Variants in RIMS2 observed in about 807,000 individuals in gnomAD.
RIMS2 encodes the protein regulating synaptic membrane exocytosis 2, also known as regulating synaptic membrane exocytosis protein 2.
Under a neutral mutation model 174.4 loss-of-function variants are expected in RIMS2, and 59 were observed. The observed-to-expected ratio is 0.34, with a 90% CI of 0.27 to 0.42. RIMS2 has a LOEUF of 0.42. RIMS2 is among the 10% of genes least tolerant of loss of function. The pLI is 1.00. For synonymous variants in RIMS2, 606 were observed against 572.5 expected, an observed-to-expected ratio of 1.06 and a Z score of -0.84; for missense variants, 1,620 against 1,666.3, an observed-to-expected ratio of 0.97 and a Z score of 0.48.
chr8:103,535,622 G>A (rs1195807828), intron 1 of RIMS2, among the ~76,000 whole-genome samples: 1 of 152,162 alleles, frequency 6.6e-6, no homozygotes, highest in African/African-American at 2.4e-5. Flanking sequence ...CTCACCTTCA[G>A]TTCTTCCCAA....
intron 19 of RIMS2, 100 bp from the exon 24 acceptor site, chr8:104,093,371 C>T: frequency 1.2e-6 from 1 of 812,770 alleles, no homozygotes. Context: ...TTTGCAGTTT[C>T]CTCTGTGGAC....
intron 3 of RIMS2, among the ~76,000 whole-genome samples, chr8:103,852,919 C>A (rs189142741): frequency 6.6e-6 from 1 of 151,886 alleles, no homozygotes; most frequent in Non-Finnish European, 1.5e-5. Flanking sequence ...GGTTATATAC[C>A]CAGTAATCAC....
At chr8:104,004,278 G>C (rs908944771) in intron 17 of RIMS2, among the ~76,000 whole-genome samples, 1 of 152,172 alleles carries the variant, frequency 6.6e-6, no homozygotes, top group African/African-American at 2.4e-5. Context: ...TGAAATGAGG[G>C]CTTAGAAGTT....
rs73701873 is a variant in RIMS2 at position 103,592,087 on chromosome 8, C to A, written c.176+91025C>A. On this transcript the variant is annotated intron_variant, in intron 1 of 23. Transcript: ENST00000504942. Reference sequence around the variant, plus strand: ...TCTTGCAGAATCTTAGGACATGTTGCCCTTTGATGTCATGGGAGCAGGTGG... The same window carrying A: ...TCTTGCAGAATCTTAGGACATGTTGACCTTTGATGTCATGGGAGCAGGTGG... Among the ~76,000 whole-genome samples the A allele has an allele frequency of 2.3e-3, 341 of 151,154 alleles. 1 individual carries two copies. Among genetic ancestry groups the A allele is most frequent in the African/African-American group, 8.0e-3 (330 of 41,460 alleles).
At chr8:103,594,942 T>C (rs901426860) in intron 1 of RIMS2, among the ~76,000 whole-genome samples, 17 of 151,800 alleles carry the variant, frequency 1.1e-4, no homozygotes, top group African/African-American at 4.1e-4. Context: ...AGCTCATGAT[T>C]ATTCATTCTG....
intron 19 of RIMS2, among the ~76,000 whole-genome samples, chr8:104,138,857 A>C (rs911051796): frequency 6.6e-6 from 1 of 152,148 alleles, no homozygotes; most frequent in Non-Finnish European, 1.5e-5. Context: ...AGTGTCCTGG[A>C]GAGTTTCCCC....
chr8:104,057,823 G>T (rs1251024071), intron 19 of RIMS2, among the ~76,000 whole-genome samples: 1 of 148,142 alleles, frequency 6.8e-6, no homozygotes, highest in Non-Finnish European at 1.5e-5. Flanking sequence ...ACGGTGTTTG[G>T]TTTTTTGTCC....
chr8:103,718,659 CT>C (rs35949446), intron 2 of RIMS2, among the ~76,000 whole-genome samples: 42 of 148,618 alleles, frequency 2.8e-4, no homozygotes, highest in African/African-American at 7.6e-4. Context: ...GCTCAACAAC[CT>C]TTTTTTTTTG....
intron 4 of RIMS2, among the ~76,000 whole-genome samples, chr8:103,895,442 T>A (rs930553433): frequency 6.6e-6 from 1 of 151,516 alleles, no homozygotes; most frequent in Non-Finnish European, 1.5e-5. Flanking sequence ...TATCCTTACA[T>A]GATGTGGGAG....
intron 1 of RIMS2, among the ~76,000 whole-genome samples, chr8:103,649,648 C>CTTTTTT (rs71575979): frequency 1.4e-5 from 2 of 143,404 alleles, no homozygotes; most frequent in Non-Finnish European, 3.0e-5. Flanking sequence ...CCTTTTCATT[C>CTTTTTT]TTTTTTTTTT....
intron 1 of RIMS2, among the ~76,000 whole-genome samples, chr8:103,539,116 T>C (rs996277192): frequency 1.3e-5 from 2 of 152,218 alleles, no homozygotes; most frequent in African/African-American, 4.8e-5. Context: ...GGAGGATCAC[T>C]TGAGTACAGA....
intron 19 of RIMS2, among the ~76,000 whole-genome samples, chr8:104,020,223 G>C (rs1320005980): frequency 2.0e-5 from 3 of 151,288 alleles, no homozygotes; most frequent in East Asian, 3.9e-4. Context: ...TGATGTGCTT[G>C]GTTTTTATTT....
intron 1 of RIMS2, among the ~76,000 whole-genome samples, chr8:103,580,064 A>AT (rs1367266137): frequency 1.3e-5 from 2 of 152,144 alleles, no homozygotes; most frequent in African/African-American, 4.8e-5. Context: ...ATTCGACATG[A>AT]GATTTGGGTG....
intron 19 of RIMS2, among the ~76,000 whole-genome samples, chr8:104,064,545 T>C (rs1470003561): frequency 6.6e-5 from 10 of 152,070 alleles, no homozygotes; most frequent in Non-Finnish European, 1.3e-4. Flanking sequence ...TGCTAACATT[T>C]ATGGAATTTA....
intron 1 of RIMS2, among the ~76,000 whole-genome samples, chr8:103,505,390 A>C (rs1480650902): frequency 6.6e-6 from 1 of 152,156 alleles, no homozygotes; most frequent in African/African-American, 2.4e-5. Flanking sequence ...TCAGTTCCAC[A>C]TCTGTGACTG....
At chr8:103,923,501 A>G (rs970607342) in intron 10 of RIMS2, among the ~76,000 whole-genome samples, 2 of 151,936 alleles carry the variant, frequency 1.3e-5, no homozygotes, top group African/African-American at 2.4e-5. Flanking sequence ...CAAAATTAAT[A>G]TGGTAAAAGG....
intron 3 of RIMS2, 71 bp from the exon 7 acceptor site, chr8:103,885,227 C>T: frequency 6.8e-7 from 1 of 1,464,268 alleles, no homozygotes; most frequent in Non-Finnish European, 9.0e-7. Context: ...ATCAACCTGC[C>T]AGCAAATCAA....
intron 14 of RIMS2, among the ~76,000 whole-genome samples, chr8:103,945,949 C>A (rs1455747897): frequency 6.6e-6 from 1 of 152,116 alleles, no homozygotes; most frequent in Admixed American, 6.5e-5. Context: ...CTTATCACTT[C>A]TATTCAGCAG....
At chr8:103,606,815 G>C (rs1266859908) in intron 1 of RIMS2, among the ~76,000 whole-genome samples, 1 of 151,546 alleles carries the variant, frequency 6.6e-6, no homozygotes, top group African/African-American at 2.4e-5. Flanking sequence ...CAGAGACTAG[G>C]ATTGCAACCC....
Sources: allele counts gnomAD v4.1 joint callset (sites outside exome capture counted in the v4.1 genomes callset), GRCh38; gene constraint gnomAD v4.1.1; transcripts MANE v1.5; gene names NCBI Gene and HGNC (gene_info 2026-07-23, HGNC 2026-07-21).